Variants in MAML3 observed in about 807,000 individuals in gnomAD.
The protein encoded by MAML3 is mastermind like transcriptional coactivator 3.
MAML3 carries 27 observed loss-of-function variants against 101.9 expected under a neutral mutation model. The ratio of observed to expected loss-of-function variants is 0.27; its 90% CI spans 0.20 to 0.37. The LOEUF (loss-of-function observed/expected upper bound fraction) is 0.37. MAML3 is among the 10% of genes least tolerant of loss of function. The pLI is 1.00. For missense variants in MAML3, 1,316 were observed against 1,444.9 expected (o/e 0.91, Z 1.45); for synonymous variants, 501 against 555.9 (o/e 0.90, Z 1.39).
chr4:140,107,812 T>G (rs1728377521), intron 1 of MAML3, among the ~76,000 whole-genome samples: 1 of 150,864 alleles, frequency 6.6e-6, no homozygotes, highest in African/African-American at 2.4e-5. Flanking sequence ...ACCAAAAAAA[T>G]GCTTCTTTAG....
At chr4:139,759,631 TAGAC>T (rs1273986273) in intron 2 of MAML3, among the ~76,000 whole-genome samples, 8 of 152,270 alleles carry the variant, frequency 5.3e-5, no homozygotes, top group Admixed American at 2.6e-4. Flanking sequence ...CTAGGATTGT[TAGAC>T]AGCCTTGTTT....
At chr4:139,800,878 C>T (rs1730591550) in intron 2 of MAML3, among the ~76,000 whole-genome samples, 1 of 152,230 alleles carries the variant, frequency 6.6e-6, no homozygotes, top group African/African-American at 2.4e-5. Flanking sequence ...ATTGTTTGAG[C>T]TATCCGTGAT....
chr4:140,052,407 T>C (rs764795110), intron 1 of MAML3, among the ~76,000 whole-genome samples: 8 of 152,174 alleles, frequency 5.3e-5, no homozygotes, highest in Non-Finnish European at 1.2e-4. Flanking sequence ...CACATCTGTG[T>C]GGGGTGTGCA....
At chr4:139,854,391 A>T (rs1731618584) in intron 2 of MAML3, among the ~76,000 whole-genome samples, 1 of 150,246 alleles carries the variant, frequency 6.7e-6, no homozygotes, top group African/African-American at 2.5e-5. Flanking sequence ...CTATAAACCT[A>T]ATCTTGTGGC....
In MAML3 at chr4:140,097,778, C is replaced by T. The variant is rs185609830; in HGVS notation, c.468+55082G>A. Among the ~76,000 whole-genome samples the T allele has an allele frequency of 2.9e-3, 437 of 152,308 alleles. 2 individuals are homozygous for T. The highest frequency in any genetic ancestry group is 0.01 in the African/African-American group (416 of 41,560). On this transcript the variant is annotated intron_variant, in intron 1 of 4. Coordinates refer to ENST00000509479, the MANE Select transcript of MAML3 (RefSeq NM_018717.5). Reference sequence around the variant, plus strand: ...CCTCATCTCCAAGCTCACGTTCCTTCGTGGTGACAAGAGGGAAGTGAAGAC... The same window carrying T: ...CCTCATCTCCAAGCTCACGTTCCTTTGTGGTGACAAGAGGGAAGTGAAGAC...
chr4:140,127,763 C>T (rs1326508604), intron 1 of MAML3, among the ~76,000 whole-genome samples: 3 of 152,174 alleles, frequency 2.0e-5, no homozygotes, highest in African/African-American at 7.2e-5. Flanking sequence ...GAGGAAGGAA[C>T]TACTGTTACC....
chr4:140,044,509 C>A (rs1381294037), intron 1 of MAML3, among the ~76,000 whole-genome samples: 1 of 152,116 alleles, frequency 6.6e-6, no homozygotes, highest in African/African-American at 2.4e-5. Flanking sequence ...CGCAAGAGTC[C>A]GTTTCATCCC....
chr4:139,831,617 C>T (rs1373384931), intron 2 of MAML3, among the ~76,000 whole-genome samples: 1 of 152,134 alleles, frequency 6.6e-6, no homozygotes, highest in African/African-American at 2.4e-5. Context: ...ACAAAGGAAC[C>T]AAATATATGC....
chr4:139,998,313 T>A (rs1331015017), intron 1 of MAML3, among the ~76,000 whole-genome samples: 2 of 151,952 alleles, frequency 1.3e-5, no homozygotes, highest in African/African-American at 4.8e-5. Flanking sequence ...TAAATTTTTA[T>A]ACTTTTAACT....
At chr4:139,871,931 TAATA>T (rs1732014358) in intron 2 of MAML3, among the ~76,000 whole-genome samples, 1 of 152,270 alleles carries the variant, frequency 6.6e-6, no homozygotes, top group Non-Finnish European at 1.5e-5. Flanking sequence ...TACAGAGGAT[TAATA>T]AATGTTTTAT....
At chr4:140,070,753 T>C (rs1578669548) in intron 1 of MAML3, among the ~76,000 whole-genome samples, 1 of 152,234 alleles carries the variant, frequency 6.6e-6, no homozygotes, top group East Asian at 1.9e-4. Context: ...TAAGGCAACT[T>C]CTTCATACTT....
chr4:140,007,439 T>A (rs766287763), intron 1 of MAML3, among the ~76,000 whole-genome samples: 9 of 152,026 alleles, frequency 5.9e-5, no homozygotes, highest in Non-Finnish European at 7.4e-5. Context: ...AAAATAATAA[T>A]AAGGGAATGG....
At chr4:139,885,932 CAAAAAAAAAAAAA>C (rs1182443191) in intron 2 of MAML3, among the ~76,000 whole-genome samples, 1 of 20,312 alleles carries the variant, frequency 4.9e-5, no homozygotes, top group Non-Finnish European at 9.6e-5. Flanking sequence ...GACTCCGTCT[CAAAAAAAAAAAAA>C]AAAAAAAAAA....
At chr4:140,040,187 G>C (rs1277203764) in intron 1 of MAML3, among the ~76,000 whole-genome samples, 1 of 152,206 alleles carries the variant, frequency 6.6e-6, no homozygotes, top group African/African-American at 2.4e-5. Context: ...CATCTAACAA[G>C]ATCCTTGAAG....
chr4:139,875,682 G>A (rs967592755), intron 2 of MAML3, among the ~76,000 whole-genome samples: 1 of 151,982 alleles, frequency 6.6e-6, no homozygotes, highest in Non-Finnish European at 1.5e-5. Context: ...ATGAATAAGG[G>A]CGTTCCTTTC....
At chr4:139,821,610 T>G (rs933937465) in intron 2 of MAML3, among the ~76,000 whole-genome samples, 4 of 152,192 alleles carry the variant, frequency 2.6e-5, no homozygotes, top group Non-Finnish European at 5.9e-5. Context: ...GGGGCACACC[T>G]TTCTACCACA....
intron 2 of MAML3, among the ~76,000 whole-genome samples, chr4:139,843,062 C>G (rs1419046084): frequency 6.6e-6 from 1 of 151,980 alleles, no homozygotes; most frequent in African/African-American, 2.4e-5. Context: ...ATTACAGTCC[C>G]CAGTCACCAC....
In MAML3 at chr4:139,720,173, A is replaced by G. The variant is rs769404559; in HGVS notation, c.2567T>C (p.Met856Thr). ...TMATAAAQSE[M>T]GLAPYSTTPT... is the part of the protein sequence containing the mutation. ...CGTGGTGCTATAAGGGGCCAGTCCC[A>G]TCTCCGACTGCGCAGCTGCGGTGGC... is the stretch of plus-strand genomic sequence containing the variant. Residue 856 changes from methionine to threonine, a missense_variant, in exon 5 of 5, where the codon ATG becomes ACG. Physicochemically the swap from Met to Thr is moderately conservative, Grantham distance 81. Transcript: ENST00000509479. The G allele has an allele frequency of 1.2e-6, 2 of 1,614,056 alleles. No individual in the cohort carries two copies. Among genetic ancestry groups the G allele is most frequent in the Non-Finnish European group, 1.7e-6 (2 of 1,179,896 alleles).
chr4:140,043,703 G>A (rs867328776), intron 1 of MAML3, among the ~76,000 whole-genome samples: 1 of 152,006 alleles, frequency 6.6e-6, no homozygotes, highest in Non-Finnish European at 1.5e-5. Context: ...CTTATCAATC[G>A]TGCCCACCTA....
Sources: allele counts gnomAD v4.1 joint callset (sites outside exome capture counted in the v4.1 genomes callset), GRCh38; gene constraint gnomAD v4.1.1; transcripts MANE v1.5; gene names NCBI Gene and HGNC (gene_info 2026-07-23, HGNC 2026-07-21).